Variants in ARHGAP26 observed in about 807,000 individuals in gnomAD.
ARHGAP26 encodes the protein Rho GTPase activating protein 26.
In ARHGAP26, 38 loss-of-function variants were observed where a neutral mutation model predicts 104.8. That is an observed-to-expected ratio of 0.36 (90% CI 0.28 to 0.48). The LOEUF is 0.48. Among genes scored for constraint, ARHGAP26 ranks in the 20% least tolerant of loss-of-function variants. The pLI is 0.99. For synonymous variants in ARHGAP26, 341 were observed against 340.0 expected (o/e 1.00, Z -0.03); for missense variants, 704 against 947.9 (o/e 0.74, Z 3.38).
chr5:143,004,312 G>C (rs1168803431), intron 11 of ARHGAP26, among the ~76,000 whole-genome samples: 2 of 152,112 alleles, frequency 1.3e-5, no homozygotes, highest in Non-Finnish European at 2.9e-5. Context: ...TATTTAGTTT[G>C]CTTTAACACA....
chr5:142,770,418 C>G lies in ARHGAP26; in HGVS notation c.-344C>G, dbSNP rs372511598. On this transcript the variant is annotated 5_prime_UTR_variant, in exon 1 of 23. Transcript: ENST00000645722. ...GCCGAGGCTGCTGTGAGAGGGCGCT[C>G]GAGGCTGCCGAGAGCTAGCTAGCGA... 2 of 192,580 alleles carry G rather than the reference C, an allele frequency of 1.0e-5. No homozygotes were observed. Among genetic ancestry groups the G allele is most frequent in the Admixed American group, 6.1e-5 (1 of 16,310 alleles). 11.9% of individuals were successfully genotyped at this position (192,580 alleles called of 1,614,324 possible). A position where few individuals can be genotyped will look rare whatever the true frequency, so the allele number is the denominator to read the frequency against.
intron 20 of ARHGAP26, among the ~76,000 whole-genome samples, chr5:143,184,562 A>G (rs1804863439): frequency 6.6e-6 from 1 of 152,156 alleles, no homozygotes; most frequent in South Asian, 2.1e-4. Context: ...TGACTGATGG[A>G]CTGGGGGAAG....
At chr5:143,093,616 G>C (rs1791810402) in intron 17 of ARHGAP26, among the ~76,000 whole-genome samples, 2 of 149,870 alleles carry the variant, frequency 1.3e-5, no homozygotes, top group African/African-American at 4.9e-5. Context: ...CTCCATCTTT[G>C]TCTCCTCCTC....
At chr5:142,803,615 C>T (rs983170339) in intron 1 of ARHGAP26, among the ~76,000 whole-genome samples, 5 of 152,256 alleles carry the variant, frequency 3.3e-5, no homozygotes, top group Admixed American at 6.5e-5. Context: ...ACGCTATTGC[C>T]GAACATGCGA....
intron 19 of ARHGAP26, among the ~76,000 whole-genome samples, chr5:143,139,089 T>C (rs1798224027): frequency 6.6e-6 from 1 of 152,230 alleles, no homozygotes; most frequent in Admixed American, 6.5e-5. Flanking sequence ...GTTCAAAGTT[T>C]CATTCAGCTG....
chr5:142,858,061 CTGTGTGTGTGTGTGTGTGTG>C (rs746146391), intron 1 of ARHGAP26, among the ~76,000 whole-genome samples: 2 of 134,316 alleles, frequency 1.5e-5, no homozygotes, highest in African/African-American at 5.8e-5. Flanking sequence ...GAGAGAGAAT[CTGTGTGTGTGTGTGTGTGTG>C]TGTGTGTGTG....
intron 1 of ARHGAP26, among the ~76,000 whole-genome samples, chr5:142,813,463 CAG>C (rs112097461): frequency 0.071 from 10,794 of 152,196 alleles, 459 homozygotes; most frequent in Middle Eastern, 0.12. Flanking sequence ...AACTGGGTGA[CAG>C]GGGTGACTTG....
intron 18 of ARHGAP26, among the ~76,000 whole-genome samples, chr5:143,121,720 C>G (rs192714251): frequency 6.6e-6 from 1 of 152,038 alleles, no homozygotes; most frequent in South Asian, 2.1e-4. Flanking sequence ...GTCTTTCTTT[C>G]GAAGGTTTTC....
intron 3 of ARHGAP26, among the ~76,000 whole-genome samples, chr5:142,876,723 T>C (rs1756152166): frequency 7.3e-6 from 1 of 136,512 alleles, no homozygotes; most frequent in South Asian, 2.3e-4. Context: ...GCTGCAGTGA[T>C]CTGTGATTGA....
At position 143,200,331 on chromosome 5, in the gene ARHGAP26, G is replaced by T. The variant is rs563546123; in HGVS notation, c.1989-6867G>T. 4.6e-5 allele frequency among the ~76,000 whole-genome samples: 7 copies of T among 152,262 alleles called. No individual in the cohort carries two copies. The South Asian group carries it at 1.5e-3, about 32-fold the overall frequency. Reference sequence around the variant, plus strand: ...TTTGACCCACTAATTTTACTTTCAGGAATTTATGCTAAGGAAACAATTGAG... The same window carrying T: ...TTTGACCCACTAATTTTACTTTCAGTAATTTATGCTAAGGAAACAATTGAG... On this transcript the variant is annotated intron_variant, in intron 20 of 22. Coordinates refer to ENST00000645722, the MANE Select transcript of ARHGAP26 (RefSeq NM_001135608.3).
chr5:142,891,219 G>C lies in ARHGAP26; in HGVS notation c.487-3019G>C, dbSNP rs766293145. Among the ~76,000 whole-genome samples, 5 of 151,966 alleles carry C rather than the reference G, an allele frequency of 3.3e-5. 1 individual carries two copies. Among genetic ancestry groups the C allele is most frequent in the African/African-American group, 7.3e-5 (3 of 41,246 alleles). ...GTCTAAGCAGCCACACGATGCAGGG[G>C]GTGGTGGTGGTGAGAAGCAGGACCT... On this transcript the variant is annotated intron_variant, in intron 5 of 22. Transcript: ENST00000645722.
intron 11 of ARHGAP26, among the ~76,000 whole-genome samples, chr5:142,984,614 A>G (rs905485478): frequency 6.6e-6 from 1 of 152,188 alleles, no homozygotes; most frequent in Non-Finnish European, 1.5e-5. Flanking sequence ...TGCTTGATGA[A>G]CATATACAGT....
intron 1 of ARHGAP26, among the ~76,000 whole-genome samples, chr5:142,775,821 T>C (rs1561818965): frequency 6.6e-6 from 1 of 152,258 alleles, no homozygotes. Flanking sequence ...TTTCTCTTCA[T>C]GGCTAAATAT....
intron 20 of ARHGAP26, among the ~76,000 whole-genome samples, chr5:143,205,749 A>T (rs1396163175): frequency 6.6e-6 from 1 of 152,208 alleles, no homozygotes; most frequent in African/African-American, 2.4e-5. Context: ...AGGTTTCCAC[A>T]TCTGTGAAAT....
intron 10 of ARHGAP26, among the ~76,000 whole-genome samples, chr5:142,929,322 A>G (rs1207810180): frequency 6.6e-6 from 1 of 152,204 alleles, no homozygotes; most frequent in Non-Finnish European, 1.5e-5. Context: ...TCAAACATGA[A>G]TTAAATTGAC....
intron 11 of ARHGAP26, among the ~76,000 whole-genome samples, chr5:142,953,561 C>T (rs746934055): frequency 1.3e-5 from 2 of 152,210 alleles, no homozygotes; most frequent in African/African-American, 4.8e-5. Flanking sequence ...TCACCACCTT[C>T]TTCCTTTCTA....
intron 17 of ARHGAP26, among the ~76,000 whole-genome samples, chr5:143,108,371 A>G (rs1327989496): frequency 2.6e-5 from 4 of 152,338 alleles, no homozygotes; most frequent in East Asian, 3.9e-4. Flanking sequence ...TGACCTCCAG[A>G]ACTTTCCCAT....
intron 17 of ARHGAP26, among the ~76,000 whole-genome samples, chr5:143,105,769 G>A (rs1366647456): frequency 4.6e-5 from 7 of 152,172 alleles, no homozygotes; most frequent in East Asian, 3.8e-4. Flanking sequence ...TCTTCAGTGC[G>A]TCAGAAGTCT....
chr5:142,948,832 C>T (rs1465597559), intron 11 of ARHGAP26, among the ~76,000 whole-genome samples: 1 of 152,018 alleles, frequency 6.6e-6, no homozygotes, highest in South Asian at 2.1e-4. Flanking sequence ...AGGTCGGGTA[C>T]GGTGACTCAT....
Sources: gnomAD v4.1 joint callset for allele counts (sites outside exome capture counted in the v4.1 genomes callset) on GRCh38, gnomAD v4.1.1 for gene constraint, MANE v1.5 for transcripts, NCBI Gene and HGNC (gene_info 2026-07-23, HGNC 2026-07-21) for gene names.